The following CAMK1G variants were observed in gnomAD, a reference collection of about 807,000 sequenced individuals.
CAMK1G encodes the protein calcium/calmodulin dependent protein kinase IG.
Under a neutral mutation model 54.8 loss-of-function variants are expected in CAMK1G, and 27 were observed. The observed-to-expected ratio is 0.49, with a 90% CI of 0.36 to 0.68. The LOEUF (loss-of-function observed/expected upper bound fraction) is 0.68, where lower values mean the gene tolerates loss of function less well. Ranked by LOEUF, CAMK1G falls within the 30% of genes least tolerant of loss-of-function variation. CAMK1G has a pLI of 0.00. For synonymous variants in CAMK1G, 238 were observed against 224.9 expected (o/e 1.06, Z -0.52); for missense variants, 512 against 591.0 (o/e 0.87, Z 1.39).
In CAMK1G at chr1:209,608,961, C is replaced by T. The variant is rs1665715051; in HGVS notation, c.636-19C>T. 10 of 1,613,654 alleles carry T rather than the reference C, an allele frequency of 6.2e-6. No individual in the cohort carries two copies. The highest frequency in any genetic ancestry group is 1.3e-5 in the African/African-American group (1 of 74,882). ...GACAGGTTTGTTCAGTAGTATGCCT[C>T]CTTCCTGTCCTGCTGCAGGCTCTGT... is the stretch of plus-strand genomic sequence containing the variant. On this transcript the variant is annotated intron_variant, in intron 7 of 12. Coordinates refer to ENST00000361322, the MANE Select transcript of CAMK1G (RefSeq NM_020439.3).
chr1:209,603,457 G>A (rs573940679), intron 4 of CAMK1G, among the ~76,000 whole-genome samples, 169 bp downstream of exon 4: 2 of 152,098 alleles, frequency 1.3e-5, no homozygotes, highest in South Asian at 4.2e-4. Context: ...TGTGCCTCTG[G>A]TCATGGGCAG....
intron 2 of CAMK1G, among the ~76,000 whole-genome samples, chr1:209,596,898 C>G (rs1665403822): frequency 6.6e-6 from 1 of 152,190 alleles, no homozygotes; most frequent in South Asian, 2.1e-4. Context: ...CTCAGACCCA[C>G]TAAACTGGAA....
At chr1:209,595,375 T>C (rs1434024797) in intron 2 of CAMK1G, among the ~76,000 whole-genome samples, 4 of 152,080 alleles carry the variant, frequency 2.6e-5, no homozygotes, top group Non-Finnish European at 5.9e-5. Flanking sequence ...TGAACCGAGA[T>C]TGCGCTACTG....
At chr1:209,593,824 T>A (rs1349409065) in intron 1 of CAMK1G, among the ~76,000 whole-genome samples, 1 of 104,052 alleles carries the variant, frequency 9.6e-6, no homozygotes, top group South Asian at 3.4e-4. Context: ...ATAACTCCCC[T>A]GCTAAAAATC....
At chr1:209,601,005 A>G (rs1665511508) in intron 3 of CAMK1G, among the ~76,000 whole-genome samples, 1 of 152,232 alleles carries the variant, frequency 6.6e-6, no homozygotes, top group African/African-American at 2.4e-5. Context: ...AAATCATGAA[A>G]TGAGACCTGA....
At position 209,611,564 on chromosome 1, in the gene CAMK1G, T is replaced by C; in HGVS notation, c.915+12T>C. 6.2e-7 allele frequency: 1 copy of C among 1,609,386 alleles called. No homozygotes were observed. Among genetic ancestry groups the C allele is most frequent in the Non-Finnish European group, 8.5e-7 (1 of 1,175,850 alleles). ...AGAGCAAGTGGAGGGTAAGCTGTCC[T>C]CTCCAGGGGGTGGGAAAGCTGTTCT... On this transcript the variant is annotated intron_variant, in intron 10 of 12. Transcript: ENST00000361322.
In CAMK1G at chr1:209,613,045, A is replaced by G. The variant is rs1665822002; in HGVS notation, c.*43A>G. ...TGAGCCCCTTTCTCTTGCAGGAGAC[A>G]TATTCAACTCCTCTGCTCTTCCAAA... On this transcript the variant is annotated 3_prime_UTR_variant, in exon 13 of 13. Transcript: ENST00000361322. 2 of 578,516 alleles carry G rather than the reference A, an allele frequency of 3.5e-6. No individual in the cohort carries two copies. The highest frequency in any genetic ancestry group is 5.8e-5 in the East Asian group (2 of 34,244). 35.8% of individuals were successfully genotyped at this position (578,516 alleles called of 1,614,324 possible). A position where few individuals can be genotyped will look rare whatever the true frequency, so the allele number is the denominator to read the frequency against.
In CAMK1G at chr1:209,594,930, CCTT is replaced by C. The variant is rs1383042763; in HGVS notation, c.-29-22_-29-20del. On this transcript the variant is annotated intron_variant, in intron 1 of 12. Coordinates refer to ENST00000361322, the MANE Select transcript of CAMK1G (RefSeq NM_020439.3). ...CAGCTGACCAGACCTTTTTTCTCCT[CCTT>C]CTCCCACTCCCTGCAATAAAGCATC... 4.7e-6 allele frequency: 7 copies of C among 1,478,140 alleles called. No homozygotes were observed. The African/African-American group carries it at 8.5e-5, about 18-fold the overall frequency. The allele number at this position is 1,478,140 out of a possible 1,614,324, so 91.6% of individuals were successfully genotyped here.
At chr1:209,611,666 G>A (rs2076226) in intron 10 of CAMK1G, 114 bp downstream of exon 10, 144 of 1,465,134 alleles carry the variant, frequency 9.8e-5, no homozygotes, top group Middle Eastern at 2.0e-4. Context: ...TTGGAGCTCC[G>A]TGTACCCTCT....
At chr1:209,611,121 C>G (rs1665769262) in intron 9 of CAMK1G, among the ~76,000 whole-genome samples, 1 of 152,194 alleles carries the variant, frequency 6.6e-6, no homozygotes, top group Non-Finnish European at 1.5e-5. Context: ...CTACTCAACC[C>G]TGCTGTCACA....
At chr1:209,608,684 T>A (rs1665708031) in intron 7 of CAMK1G, among the ~76,000 whole-genome samples, 1 of 152,236 alleles carries the variant, frequency 6.6e-6, no homozygotes, top group Non-Finnish European at 1.5e-5. Context: ...CTTAAACATA[T>A]TTTATATAGC....
intron 3 of CAMK1G, among the ~76,000 whole-genome samples, chr1:209,600,907 T>C (rs1256861260): frequency 1.3e-5 from 2 of 152,176 alleles, no homozygotes; most frequent in South Asian, 2.1e-4. Flanking sequence ...TGTAGAACCA[T>C]GAAAGTGCAA....
chr1:209,591,428 C>G (rs1344845378), intron 1 of CAMK1G, among the ~76,000 whole-genome samples: 1 of 152,120 alleles, frequency 6.6e-6, no homozygotes, highest in East Asian at 1.9e-4. Flanking sequence ...AAAATGTACA[C>G]CAAAAAAATG....
intron 1 of CAMK1G, among the ~76,000 whole-genome samples, chr1:209,592,978 T>G (rs528122368): frequency 6.6e-6 from 1 of 152,300 alleles, no homozygotes; most frequent in Non-Finnish European, 1.5e-5. Context: ...TGTTTAAGAT[T>G]GTAGCAGAAC....
chr1:209,600,518 A>G (rs1665501809), intron 3 of CAMK1G, among the ~76,000 whole-genome samples: 1 of 152,230 alleles, frequency 6.6e-6, no homozygotes, highest in Non-Finnish European at 1.5e-5. Context: ...GCAACACTAC[A>G]AATCATCATA....
At chr1:209,595,384 T>C (rs779230956) in intron 2 of CAMK1G, among the ~76,000 whole-genome samples, 1 of 152,126 alleles carries the variant, frequency 6.6e-6, no homozygotes, top group Non-Finnish European at 1.5e-5. Context: ...ATTGCGCTAC[T>C]GTATTCCAGC....
intron 4 of CAMK1G, among the ~76,000 whole-genome samples, chr1:209,603,976 T>G (rs1665587267): frequency 6.6e-6 from 1 of 152,136 alleles, no homozygotes; most frequent in African/African-American, 2.4e-5. Flanking sequence ...GGTTGGTCAG[T>G]GTTCATAAGG....
rs375075747 is a variant in CAMK1G at position 209,611,447 on chromosome 1, C to T, written c.828-18C>T. On this transcript the variant is annotated intron_variant, in intron 9 of 12. Coordinates refer to ENST00000361322, the MANE Select transcript of CAMK1G (RefSeq NM_020439.3). ...AAATAGCCACCCAGTAGCCAGGTGT[C>T]CCCTCTTACATCCACAGGATTGACG... is the stretch of plus-strand genomic sequence containing the variant. 18 of 1,613,130 alleles carry T rather than the reference C, an allele frequency of 1.1e-5. No individual in the cohort carries two copies. Among genetic ancestry groups the T allele is most frequent in the Middle Eastern group, 1.6e-4 (1 of 6,080 alleles).
At chr1:209,599,569 G>C (rs1424325910) in intron 2 of CAMK1G, among the ~76,000 whole-genome samples, 1 of 152,144 alleles carries the variant, frequency 6.6e-6, no homozygotes, top group Non-Finnish European at 1.5e-5. Context: ...CTAGGGATGG[G>C]GTATTCCCTT....
Sources: allele counts gnomAD v4.1 joint callset (sites outside exome capture counted in the v4.1 genomes callset), GRCh38; gene constraint gnomAD v4.1.1; transcripts MANE v1.5; gene names NCBI Gene and HGNC (gene_info 2026-07-23, HGNC 2026-07-21).